Variants in ANK3 observed in about 807,000 individuals in gnomAD.
The protein encoded by ANK3 is ankyrin 3, also known as ankyrin-3.
A neutral mutation model predicts 370.9 loss-of-function variants in ANK3; 57 were observed. The ratio of observed to expected loss-of-function variants is 0.15; its 90% confidence interval spans 0.12 to 0.19. The LOEUF is 0.19. ANK3 is among the 10% of genes least tolerant of loss of function. The pLI is 1.00. For synonymous variants in ANK3, 1,929 were observed against 1,946.3 expected, an observed-to-expected ratio of 0.99 and a Z score of 0.23; for missense variants, 4,439 against 5,302.1, an observed-to-expected ratio of 0.84 and a Z score of 5.06.
intron 8 of ANK3, among the ~76,000 whole-genome samples, chr10:60,215,183 T>C (rs1037906460): frequency 6.6e-6 from 1 of 152,224 alleles, no homozygotes; most frequent in African/African-American, 2.4e-5. Context: ...TCTGTTCATA[T>C]TCTTTGCCTG....
chr10:60,301,329 T>C (rs988681916), intron 1 of ANK3, among the ~76,000 whole-genome samples: 5 of 145,210 alleles, frequency 3.4e-5, no homozygotes, highest in African/African-American at 1.2e-4. Context: ...CACACGTGTG[T>C]ATATATACAT....
chr10:60,542,793 T>A (rs933898415), intron 2 of ANK3, among the ~76,000 whole-genome samples: 4 of 151,946 alleles, frequency 2.6e-5, no homozygotes, highest in Non-Finnish European at 4.4e-5. Context: ...GAGTCATTAA[T>A]TCAAGCTGTT....
At chr10:60,140,424 C>T in intron 23 of ANK3, 2 of 1,613,252 alleles carry the variant, frequency 1.2e-6, no homozygotes, top group Middle Eastern at 1.7e-4. Flanking sequence ...ATTCCTTAAG[C>T]AGTGATTTAG....
At chr10:60,135,962 C>A (rs1351912093) in intron 24 of ANK3, among the ~76,000 whole-genome samples, 1 of 151,756 alleles carries the variant, frequency 6.6e-6, no homozygotes, top group Non-Finnish European at 1.5e-5. Context: ...TTAATGTATT[C>A]AGCAAAACTT....
chr10:60,667,354 A>G (rs2079011666), intron 1 of ANK3, among the ~76,000 whole-genome samples: 1 of 151,724 alleles, frequency 6.6e-6, no homozygotes, highest in Non-Finnish European at 1.5e-5. Context: ...CTAAGGAACC[A>G]AAAAAGAATG....
chr10:60,138,882 T>C, intron 24 of ANK3, 82 bp downstream of exon 24: 2 of 1,563,322 alleles, frequency 1.3e-6, no homozygotes, highest in Non-Finnish European at 1.7e-6. Context: ...TTTGGGATAA[T>C]GTGAAAAATG....
intron 2 of ANK3, among the ~76,000 whole-genome samples, chr10:60,504,010 T>C (rs1170105990): frequency 6.6e-6 from 1 of 152,112 alleles, no homozygotes; most frequent in East Asian, 1.9e-4. Flanking sequence ...CTAGAAGTAA[T>C]GGAGATGTTG....
At chr10:60,324,753 T>C (rs2049424271) in intron 1 of ANK3, among the ~76,000 whole-genome samples, 1 of 152,198 alleles carries the variant, frequency 6.6e-6, no homozygotes, top group Non-Finnish European at 1.5e-5. Flanking sequence ...TCCATGCCAC[T>C]CAGCGATTCA....
intron 1 of ANK3, among the ~76,000 whole-genome samples, chr10:60,388,439 A>G (rs2062721461): frequency 6.6e-6 from 1 of 152,182 alleles, no homozygotes; most frequent in South Asian, 2.1e-4. Flanking sequence ...CAAATTAAGG[A>G]TATCTTTCCT....
At chr10:60,046,704 T>C (rs1368267731) in intron 42 of ANK3, among the ~76,000 whole-genome samples, 1 of 152,168 alleles carries the variant, frequency 6.6e-6, no homozygotes, top group Non-Finnish European at 1.5e-5. Flanking sequence ...AAAATACATT[T>C]TTAAAAAATT....
chr10:60,165,591 T>G (rs1192249950), intron 23 of ANK3, among the ~76,000 whole-genome samples: 3 of 152,174 alleles, frequency 2.0e-5, no homozygotes, highest in Non-Finnish European at 4.4e-5. Flanking sequence ...AAGATTAAAG[T>G]GGCTTCAGAC....
intron 1 of ANK3, among the ~76,000 whole-genome samples, chr10:60,628,744 TA>T (rs1420146433): frequency 2.6e-5 from 4 of 152,106 alleles, no homozygotes; most frequent in Non-Finnish European, 5.9e-5. Context: ...CACTCATGTT[TA>T]AAAAAAATCG....
At chr10:60,537,528 T>C (rs2076751445) in intron 2 of ANK3, among the ~76,000 whole-genome samples, 1 of 152,028 alleles carries the variant, frequency 6.6e-6, no homozygotes, top group African/African-American at 2.4e-5. Flanking sequence ...CCCACCTAAT[T>C]ATTCAGAGTC....
At chr10:60,687,278 G>A (rs921682621) in intron 1 of ANK3, among the ~76,000 whole-genome samples, 2 of 152,058 alleles carry the variant, frequency 1.3e-5, no homozygotes, top group Non-Finnish European at 2.9e-5. Flanking sequence ...GAAAATATTT[G>A]GAAGCCATAT....
intron 1 of ANK3, among the ~76,000 whole-genome samples, chr10:60,308,400 C>T (rs10443911): frequency 0.093 from 14,048 of 150,870 alleles, 865 homozygotes; most frequent in South Asian, 0.16. Context: ...TTCAGCCTCC[C>T]GAGTAGCTGG....
intron 1 of ANK3, among the ~76,000 whole-genome samples, chr10:60,373,393 G>T (rs1475899612): frequency 6.6e-6 from 1 of 152,138 alleles, no homozygotes; most frequent in Non-Finnish European, 1.5e-5. Context: ...GAGTTGAAGA[G>T]AGATAAAAAC....
exon 1 of ANK3, chr10:60,733,267 G>A (rs1173317800): frequency 1.6e-6 from 2 of 1,239,580 alleles, no homozygotes; most frequent in Non-Finnish European, 2.0e-6. Context: ...GCTCACCTGG[G>A]CAGGAGCGGA....
At chr10:60,461,128 C>T (rs1396453583) in intron 2 of ANK3, among the ~76,000 whole-genome samples, 1 of 152,164 alleles carries the variant, frequency 6.6e-6, no homozygotes, top group African/African-American at 2.4e-5. Context: ...TCTCTCTCAG[C>T]ACGTCACATC....
At chr10:60,451,370 G>A (rs2064597046) in intron 2 of ANK3, among the ~76,000 whole-genome samples, 1 of 152,154 alleles carries the variant, frequency 6.6e-6, no homozygotes, top group Non-Finnish European at 1.5e-5. Flanking sequence ...TGAAATTGAG[G>A]CTTTAGAGAG....
Sources: allele counts gnomAD v4.1 joint callset (sites outside exome capture counted in the v4.1 genomes callset), GRCh38; gene constraint gnomAD v4.1.1; transcripts MANE v1.5; gene names NCBI Gene and HGNC (gene_info 2026-07-23, HGNC 2026-07-21).